Variants in MPPED1 observed in about 807,000 individuals in gnomAD.
The protein encoded by MPPED1 is metallophosphoesterase domain-containing protein 1.
A neutral mutation model predicts 36.2 loss-of-function variants in MPPED1; 16 were observed. The ratio of observed to expected loss-of-function variants is 0.44; its 90% CI spans 0.30 to 0.67. The LOEUF (loss-of-function observed/expected upper bound fraction) is 0.67. Ranked by LOEUF, MPPED1 falls within the 30% of genes least tolerant of loss-of-function variation. The pLI, the probability that MPPED1 is intolerant of heterozygous loss-of-function variation, is 0.10. For missense variants in MPPED1, 307 were observed against 453.4 expected (o/e 0.68, Z 2.93); for synonymous variants, 199 against 191.3 (o/e 1.04, Z -0.33).
At chr22:43,496,075 GGTA>G (rs1189979357) in intron 4 of MPPED1, among the ~76,000 whole-genome samples, 4 of 88,432 alleles carry the variant, frequency 4.5e-5, no homozygotes, top group Non-Finnish European at 7.2e-5. Flanking sequence ...TGGTGGTGGA[GGTA>G]GTGGTGGTGG....
chr22:43,496,991 G>A (rs1162703332), intron 4 of MPPED1, among the ~76,000 whole-genome samples: 2 of 143,396 alleles, frequency 1.4e-5, no homozygotes, highest in South Asian at 2.2e-4. Context: ...GGTAGTGGTG[G>A]TGGAGGTGGT....
In MPPED1 at chr22:43,422,403, A is replaced by G. The variant is rs986518590; in HGVS notation, c.-78-2505A>G. On this transcript the variant is annotated intron_variant, in intron 1 of 6. Transcript: ENST00000443721. Reference sequence around the variant, plus strand: ...TGGCCCCTGTGAGCTGTAGGCCTCCAGGTGCAAGAGGCCACCGGGGGCCGG... The same window carrying G: ...TGGCCCCTGTGAGCTGTAGGCCTCCGGGTGCAAGAGGCCACCGGGGGCCGG... Among the ~76,000 whole-genome samples the G allele has an allele frequency of 2.6e-5, 4 of 152,204 alleles. No homozygotes were observed. The East Asian group carries it at 7.7e-4, about 29-fold the overall frequency.
At chr22:43,433,889 A>G (rs530312706) in intron 2 of MPPED1, among the ~76,000 whole-genome samples, 1 of 152,326 alleles carries the variant, frequency 6.6e-6, no homozygotes, top group East Asian at 1.9e-4. Flanking sequence ...ATTTGGAGAG[A>G]GCTGCTGTTG....
intron 2 of MPPED1, among the ~76,000 whole-genome samples, chr22:43,429,217 G>A (rs866669271): frequency 6.6e-6 from 1 of 152,134 alleles, no homozygotes; most frequent in Non-Finnish European, 1.5e-5. Flanking sequence ...CTAAGGTTTT[G>A]GAAGGTGAGT....
intron 3 of MPPED1, among the ~76,000 whole-genome samples, chr22:43,449,418 G>A (rs912676316): frequency 9.3e-5 from 12 of 128,346 alleles, no homozygotes; most frequent in Non-Finnish European, 2.1e-4. Context: ...CACGGACAGT[G>A]CCAACCCCCC....
At chr22:43,492,307 A>C (rs1327603126) in intron 4 of MPPED1, among the ~76,000 whole-genome samples, 54 of 152,238 alleles carry the variant, frequency 3.5e-4, no homozygotes, top group African/African-American at 1.1e-3. Flanking sequence ...TAACTGCAAG[A>C]TGAGCTCACA....
At chr22:43,480,649 C>T (rs1931719633) in intron 4 of MPPED1, among the ~76,000 whole-genome samples, 1 of 152,080 alleles carries the variant, frequency 6.6e-6, no homozygotes, top group Non-Finnish European at 1.5e-5. Flanking sequence ...AGCTTTTCCC[C>T]CTCTGTGACC....
At position 43,422,704 on chromosome 22, in the gene MPPED1, C is replaced by G. The variant is rs73889265; in HGVS notation, c.-78-2204C>G. Among the ~76,000 whole-genome samples, 1,022 of 152,226 alleles carry G rather than the reference C, an allele frequency of 6.7e-3. 4 individuals carry two copies. Among genetic ancestry groups the G allele is most frequent in the African/African-American group, 0.024 (979 of 41,534 alleles). ...CAGCAGCTCCTCAATATGCAAGGAT[C>G]AAATTGAGCAGAATAGTGACTGTGA... is the stretch of plus-strand genomic sequence containing the variant. On this transcript the variant is annotated intron_variant, in intron 1 of 6. Transcript: ENST00000443721.
chr22:43,446,419 A>C (rs1930348836), intron 3 of MPPED1, among the ~76,000 whole-genome samples: 1 of 151,958 alleles, frequency 6.6e-6, no homozygotes, highest in African/African-American at 2.4e-5. Context: ...GGCTGAGGGG[A>C]CATGAAGGGA....
At chr22:43,431,732 G>A (rs746302020) in intron 2 of MPPED1, among the ~76,000 whole-genome samples, 3 of 152,232 alleles carry the variant, frequency 2.0e-5, no homozygotes, top group Admixed American at 1.3e-4. Flanking sequence ...TGCCTGTAAC[G>A]TGCCCAGCAC....
intron 5 of MPPED1, among the ~76,000 whole-genome samples, chr22:43,499,080 T>C (rs1355241854): frequency 3.4e-5 from 5 of 146,940 alleles, no homozygotes; most frequent in Non-Finnish European, 7.6e-5. Context: ...GAGGTGGTGA[T>C]GGTGGAGGTG....
chr22:43,446,407 C>G lies in MPPED1; in HGVS notation c.406+11192C>G, dbSNP rs746786852. On this transcript the variant is annotated intron_variant, in intron 3 of 6. Coordinates refer to ENST00000443721, the MANE Select transcript of MPPED1 (RefSeq NM_001044370.2). ...ACAGCTGTCATATGATGGGGGTGTT[C>G]AGGCTGAGGGGACATGAAGGGATGG... 4.9e-4 allele frequency among the ~76,000 whole-genome samples: 75 copies of G among 151,948 alleles called. 1 individual carries two copies. Among genetic ancestry groups the G allele is most frequent in the Non-Finnish European group, 1.5e-4 (10 of 68,000 alleles).
chr22:43,458,430 C>T (rs567876508), intron 3 of MPPED1, among the ~76,000 whole-genome samples: 69 of 152,108 alleles, frequency 4.5e-4, no homozygotes, highest in African/African-American at 1.6e-3. Flanking sequence ...GGATTACAGG[C>T]ACGTGCCACC....
intron 2 of MPPED1, among the ~76,000 whole-genome samples, chr22:43,430,389 C>A (rs560237760): frequency 1.1e-4 from 17 of 152,314 alleles, no homozygotes; most frequent in African/African-American, 4.1e-4. Flanking sequence ...GTTCTCACAA[C>A]ATGACAAAGA....
chr22:43,440,841 G>A (rs984499383), intron 3 of MPPED1, among the ~76,000 whole-genome samples: 2 of 152,152 alleles, frequency 1.3e-5, no homozygotes, highest in African/African-American at 2.4e-5. Context: ...TGCGGCGCCT[G>A]ATGCTGGATG....
chr22:43,469,304 T>C (rs1048904829), intron 3 of MPPED1, among the ~76,000 whole-genome samples: 1 of 152,132 alleles, frequency 6.6e-6, no homozygotes, highest in African/African-American at 2.4e-5. Flanking sequence ...GCAGAAGAGT[T>C]TGTATTCATT....
chr22:43,416,951 G>C (rs1929096632), intron 1 of MPPED1: 1 of 984,770 alleles, frequency 1.0e-6, no homozygotes, highest in African/African-American at 1.7e-5. Flanking sequence ...CGAGCCGACT[G>C]CATTCATAGC....
chr22:43,481,486 C>G (rs1931748031), intron 4 of MPPED1, among the ~76,000 whole-genome samples: 1 of 152,172 alleles, frequency 6.6e-6, no homozygotes, highest in Admixed American at 6.5e-5. Flanking sequence ...AACTCCAGTG[C>G]CCAGTACAGA....
In MPPED1 at chr22:43,450,129, A is replaced by G. The variant is rs931086604; in HGVS notation, c.406+14914A>G. Among the ~76,000 whole-genome samples, 3 of 151,654 alleles carry G rather than the reference A, an allele frequency of 2.0e-5. No homozygotes were observed. In the South Asian group the frequency reaches 6.3e-4, roughly 32 times the overall value. The stretch of plus-strand genomic sequence containing the variant: ...CTCACGTGTCAGTGACCTCCCTCCC[A>G]CTCAGTGTTCTCTGTGGCTTCTGGA... On this transcript the variant is annotated intron_variant, in intron 3 of 6. Coordinates refer to ENST00000443721, the MANE Select transcript of MPPED1 (RefSeq NM_001044370.2).
Sources: gnomAD v4.1 joint callset for allele counts (sites outside exome capture counted in the v4.1 genomes callset) on GRCh38, gnomAD v4.1.1 for gene constraint, MANE v1.5 for transcripts, NCBI Gene and HGNC (gene_info 2026-07-23, HGNC 2026-07-21) for gene names.